Variants in AGBL3 observed in about 807,000 individuals in gnomAD.
The protein encoded by AGBL3 is AGBL carboxypeptidase 3.
AGBL3 carries 68 observed loss-of-function variants against 94.5 expected under a neutral mutation model. That is an observed-to-expected ratio of 0.72 (90% CI 0.59 to 0.88). The LOEUF (loss-of-function observed/expected upper bound fraction) is 0.88. Among genes scored for constraint, AGBL3 ranks in the 40% least tolerant of loss-of-function variants. AGBL3 has a pLI of 0.00. For missense variants in AGBL3, 934 were observed against 1,103.8 expected (o/e 0.85, Z 2.18); for synonymous variants, 354 against 370.7 (o/e 0.95, Z 0.52).
At chr7:135,038,480 T>A (rs1021194294) in intron 8 of AGBL3, among the ~76,000 whole-genome samples, 1 of 152,224 alleles carries the variant, frequency 6.6e-6, no homozygotes, top group Admixed American at 6.5e-5. Flanking sequence ...GATATTTTGA[T>A]GTTTGTCTAT....
Position 134,989,284 on chromosome 7 carries a change from A to T in AGBL3, c.98A>T (p.Asp33Val). ...ATGTTCATGAAATTTGTAAGTGAAG[A>T]TCTTCATCGGTGTGCACTTTTAACA... Reference protein sequence around the residue: ...EDMFMKFVSEDLHRCALLTAD... With the variant: ...EDMFMKFVSEVLHRCALLTAD... The change falls in exon 3 of 17, where the codon GAT (aspartate) becomes GTT (valine). Residue 33 changes from aspartate (D) to valine (V), a missense_variant. Asp to Val is a radical substitution (Grantham distance 152). Coordinates refer to ENST00000436302, the MANE Select transcript of AGBL3 (RefSeq NM_178563.4). 6.5e-7 allele frequency: 1 copy of T among 1,548,348 alleles called. No homozygotes were observed. Among genetic ancestry groups the T allele is most frequent in the Non-Finnish European group, 8.7e-7 (1 of 1,145,500 alleles).
At chr7:135,108,828 T>C (rs1317416134) in intron 15 of AGBL3, among the ~76,000 whole-genome samples, 6 of 152,248 alleles carry the variant, frequency 3.9e-5, no homozygotes, top group Non-Finnish European at 8.8e-5. Flanking sequence ...AAATGATTCA[T>C]AAATTTGGCC....
In AGBL3 at chr7:134,995,477, A is replaced by G. The variant is rs188221782; in HGVS notation, c.310+1799A>G. 1.1e-4 allele frequency: 17 copies of G among 152,054 alleles called. No homozygotes were observed. In the East Asian group the frequency reaches 2.1e-3, roughly 19 times the overall value. The allele number at this position is 152,054 out of a possible 1,614,324, so 9.4% of individuals were successfully genotyped here. A position where few individuals can be genotyped will look rare whatever the true frequency, so the allele number is the denominator to read the frequency against. On this transcript the variant is annotated intron_variant, in intron 4 of 16. Transcript: ENST00000436302. ...GCAGCTCAGAGTGGGGAGAGTTTCT[A>G]TTTTCCTTGGTTGCTTGGTAATCCC...
chr7:134,989,413 TTATTC>T (rs1584733866), intron 3 of AGBL3, 103 bp downstream of exon 3: 3 of 799,714 alleles, frequency 3.8e-6, no homozygotes, highest in East Asian at 6.1e-5. Flanking sequence ...TAGGGAATGA[TTATTC>T]TAGTAGATTG....
intron 7 of AGBL3, among the ~76,000 whole-genome samples, chr7:135,035,934 T>C (rs548984478): frequency 1.3e-5 from 2 of 152,250 alleles, no homozygotes; most frequent in East Asian, 3.8e-4. Context: ...ATCAATCTTA[T>C]GTTATCAATG....
chr7:135,055,563 T>G (rs1282610074), intron 11 of AGBL3, among the ~76,000 whole-genome samples: 1 of 152,190 alleles, frequency 6.6e-6, no homozygotes, highest in Non-Finnish European at 1.5e-5. Context: ...ACAGATTACA[T>G]CAACTGATTT....
intron 15 of AGBL3, among the ~76,000 whole-genome samples, chr7:135,108,707 G>T (rs1825150068): frequency 6.6e-6 from 1 of 152,152 alleles, no homozygotes; most frequent in Non-Finnish European, 1.5e-5. Flanking sequence ...TCTTGCAGGG[G>T]TTTCCTGTAT....
intron 15 of AGBL3, among the ~76,000 whole-genome samples, chr7:135,088,069 CTTCT>C (rs919706926): frequency 6.6e-6 from 1 of 151,972 alleles, no homozygotes; most frequent in Admixed American, 6.5e-5. Context: ...TCCTTATAAC[CTTCT>C]TTGTCTCTTG....
intron 16 of AGBL3, among the ~76,000 whole-genome samples, chr7:135,116,571 C>T (rs1826343905): frequency 6.6e-6 from 1 of 152,168 alleles, no homozygotes; most frequent in Non-Finnish European, 1.5e-5. Flanking sequence ...GAAATCTCGG[C>T]TCCCCATTTG....
chr7:135,105,794 A>G lies in AGBL3; in HGVS notation c.2111-9586A>G, dbSNP rs551515163. 1.2e-4 allele frequency among the ~76,000 whole-genome samples: 18 copies of G among 152,276 alleles called. 2 individuals carry two copies. In the South Asian group the frequency reaches 3.7e-3, roughly 32 times the overall value. On this transcript the variant is annotated intron_variant, in intron 15 of 16. Transcript: ENST00000436302. ...TGTGAAGAATGTCATTGGTAGTTTG[A>G]TAGGAATAGCATTGAATCTGTAAAT...
chr7:135,019,016 G>A (rs1268739147), intron 5 of AGBL3, among the ~76,000 whole-genome samples: 3 of 152,140 alleles, frequency 2.0e-5, no homozygotes, highest in African/African-American at 7.2e-5. Flanking sequence ...TCCAGCCCCA[G>A]GCAAACACTG....
intron 12 of AGBL3, among the ~76,000 whole-genome samples, chr7:135,072,939 A>T (rs183684433): frequency 2.7e-4 from 41 of 152,092 alleles, no homozygotes; most frequent in East Asian, 1.9e-3. Context: ...AAATAAAATT[A>T]AAAAAAATTT....
intron 15 of AGBL3, among the ~76,000 whole-genome samples, chr7:135,082,528 T>C (rs1821002849): frequency 6.6e-6 from 1 of 151,594 alleles, no homozygotes; most frequent in Admixed American, 6.6e-5. Flanking sequence ...TTTTATTTGC[T>C]CCTTTATAGA....
chr7:135,073,834 G>C (rs761345327), intron 12 of AGBL3, among the ~76,000 whole-genome samples: 2 of 152,130 alleles, frequency 1.3e-5, no homozygotes, highest in African/African-American at 4.8e-5. Context: ...GTCAGGGGTC[G>C]ATCTTTAACT....
At chr7:135,089,054 C>T (rs1291293857) in intron 15 of AGBL3, among the ~76,000 whole-genome samples, 2 of 139,236 alleles carry the variant, frequency 1.4e-5, no homozygotes, top group African/African-American at 2.6e-5. Flanking sequence ...AGGTTTTCTT[C>T]ACTGTTTTTC....
intron 13 of AGBL3, among the ~76,000 whole-genome samples, chr7:135,078,075 C>T (rs1157225877): frequency 6.6e-6 from 1 of 152,158 alleles, no homozygotes; most frequent in Non-Finnish European, 1.5e-5. Flanking sequence ...GACTAGTTTT[C>T]CAGAGAGAAC....
chr7:135,007,452 A>G (rs73152002), intron 4 of AGBL3, among the ~76,000 whole-genome samples: 9,531 of 151,962 alleles, frequency 0.063, 402 homozygotes, highest in East Asian at 0.19. Context: ...TTCAATAAAC[A>G]TAGAAAAGAC....
chr7:135,091,683 T>A lies in AGBL3; in HGVS notation c.2110+9893T>A, dbSNP rs73442105. Among the ~76,000 whole-genome samples the A allele has an allele frequency of 2.4e-3, 366 of 152,272 alleles. 4 individuals are homozygous for A. The highest frequency in any genetic ancestry group is 8.7e-3 in the African/African-American group (360 of 41,552). ...ACATGACATGAAAGACTTCCAGTGATCCTCTGACCCTGACATTTACAAAGA... is the reference window on the plus strand; with the variant it reads ...ACATGACATGAAAGACTTCCAGTGAACCTCTGACCCTGACATTTACAAAGA... On this transcript the variant is annotated intron_variant, in intron 15 of 16. Transcript: ENST00000436302.
At chr7:135,074,192 A>C (rs573869417) in intron 12 of AGBL3, among the ~76,000 whole-genome samples, 10 of 152,308 alleles carry the variant, frequency 6.6e-5, no homozygotes, top group African/African-American at 2.4e-4. Context: ...AAATATATAC[A>C]ATTTTTATTT....
Sources: gnomAD v4.1 joint callset for allele counts (sites outside exome capture counted in the v4.1 genomes callset) on GRCh38, gnomAD v4.1.1 for gene constraint, MANE v1.5 for transcripts, NCBI Gene and HGNC (gene_info 2026-07-23, HGNC 2026-07-21) for gene names.